Variants in CAMKMT observed in about 807,000 individuals in gnomAD.
CAMKMT encodes the protein calmodulin-lysine N-methyltransferase.
A neutral mutation model predicts 48.0 loss-of-function variants in CAMKMT; 53 were observed. That is an observed-to-expected ratio of 1.10 (90% CI 0.89 to 1.39). The LOEUF (loss-of-function observed/expected upper bound fraction) is 1.39, where lower values mean the gene tolerates loss of function less well. Among genes scored for constraint, CAMKMT ranks in the 40% most tolerant of loss-of-function variants. The pLI is 0.00. For missense variants in CAMKMT, 428 were observed against 402.7 expected (o/e 1.06, Z -0.54); for synonymous variants, 165 against 152.3 (o/e 1.08, Z -0.61).
intron 3 of CAMKMT, among the ~76,000 whole-genome samples, chr2:44,447,697 T>G (rs1200993127): frequency 6.6e-6 from 1 of 152,232 alleles, no homozygotes; most frequent in Non-Finnish European, 1.5e-5. Flanking sequence ...TTTTCACATC[T>G]TATTGGCCAG....
At chr2:44,529,563 T>C (rs1026480063) in intron 3 of CAMKMT, among the ~76,000 whole-genome samples, 1 of 152,204 alleles carries the variant, frequency 6.6e-6, no homozygotes, top group African/African-American at 2.4e-5. Flanking sequence ...TCTGGAGTCA[T>C]GTACTTTGGG....
rs1361444435 is a variant in CAMKMT at position 44,575,450 on chromosome 2, C to T, written c.377-128833C>T. Among the ~76,000 whole-genome samples the T allele has an allele frequency of 2.0e-5, 3 of 151,996 alleles. No individual in the cohort carries two copies. The East Asian group carries it at 5.8e-4, about 29-fold the overall frequency. On this transcript the variant is annotated intron_variant, in intron 3 of 10. Transcript: ENST00000378494. ...ATATTTTTCTTCACATAGGTCTTGC[C>T]CATTGTTGTTATTCTTATAAATATT... is the stretch of plus-strand genomic sequence containing the variant.
At chr2:44,604,011 C>T (rs1345360156) in intron 3 of CAMKMT, among the ~76,000 whole-genome samples, 1 of 152,180 alleles carries the variant, frequency 6.6e-6, no homozygotes, top group Non-Finnish European at 1.5e-5. Context: ...TTCTCCTCTT[C>T]TCACAGGACA....
At chr2:44,621,620 T>C (rs527899557) in intron 3 of CAMKMT, among the ~76,000 whole-genome samples, 1 of 151,756 alleles carries the variant, frequency 6.6e-6, no homozygotes, top group African/African-American at 2.4e-5. Context: ...AAACTAATTA[T>C]GGCTGAAGTG....
At chr2:44,771,597 C>T (rs886099772) in intron 10 of CAMKMT, among the ~76,000 whole-genome samples, 1 of 152,172 alleles carries the variant, frequency 6.6e-6, no homozygotes, top group African/African-American at 2.4e-5. Context: ...GCCCCACAAG[C>T]CTTTCCCTGT....
chr2:44,466,345 A>G (rs1357428614), intron 3 of CAMKMT, among the ~76,000 whole-genome samples: 1 of 152,206 alleles, frequency 6.6e-6, no homozygotes, highest in East Asian at 1.9e-4. Context: ...ACCACACTGA[A>G]ATAAAACTAG....
chr2:44,519,183 G>A (rs1257095298), intron 3 of CAMKMT, among the ~76,000 whole-genome samples: 1 of 152,198 alleles, frequency 6.6e-6, no homozygotes, highest in Non-Finnish European at 1.5e-5. Context: ...CTGCTATTGT[G>A]TATCTCAGAC....
chr2:44,438,184 G>C lies in CAMKMT; in HGVS notation c.376+47879G>C, dbSNP rs193168294. Among the ~76,000 whole-genome samples, 151 of 152,272 alleles carry C rather than the reference G, an allele frequency of 9.9e-4. 1 individual carries two copies. The highest frequency in any genetic ancestry group is 3.5e-3 in the African/African-American group (144 of 41,558). ...AATGGGGAGCTGGGAGTTGAACTCA[G>C]GCAGGCTAGCTCCAGTGTTCATGCT... On this transcript the variant is annotated intron_variant, in intron 3 of 10. Coordinates refer to ENST00000378494, the MANE Select transcript of CAMKMT (RefSeq NM_024766.5).
chr2:44,498,661 C>G (rs1206735149), intron 3 of CAMKMT, among the ~76,000 whole-genome samples: 1 of 152,158 alleles, frequency 6.6e-6, no homozygotes, highest in Non-Finnish European at 1.5e-5. Context: ...TGCGAGGGGA[C>G]TGTTTTCTTG....
chr2:44,600,975 C>T (rs974153699), intron 3 of CAMKMT, among the ~76,000 whole-genome samples: 2 of 152,010 alleles, frequency 1.3e-5, no homozygotes, highest in African/African-American at 4.8e-5. Context: ...GTCTTTTCTT[C>T]TTCTAATTAC....
At chr2:44,560,245 C>A (rs1668251071) in intron 3 of CAMKMT, among the ~76,000 whole-genome samples, 1 of 152,106 alleles carries the variant, frequency 6.6e-6, no homozygotes, top group African/African-American at 2.4e-5. Flanking sequence ...TAAATGTCTT[C>A]TTGGAACTAA....
At chr2:44,410,877 T>C (rs1304945618) in intron 3 of CAMKMT, among the ~76,000 whole-genome samples, 1 of 152,132 alleles carries the variant, frequency 6.6e-6, no homozygotes, top group Admixed American at 6.5e-5. Context: ...CATCTAAAAA[T>C]GAAGCAATTA....
chr2:44,673,545 C>A (rs889045814), intron 3 of CAMKMT, among the ~76,000 whole-genome samples: 1 of 146,526 alleles, frequency 6.8e-6, no homozygotes, highest in Admixed American at 6.7e-5. Context: ...AATCTATACA[C>A]CCAAAAACCT....
At chr2:44,426,690 A>G (rs943902666) in intron 3 of CAMKMT, among the ~76,000 whole-genome samples, 1 of 152,214 alleles carries the variant, frequency 6.6e-6, no homozygotes, top group Non-Finnish European at 1.5e-5. Flanking sequence ...AAACAAATGG[A>G]AAAACATTCC....
At chr2:44,543,648 A>G (rs1667249102) in intron 3 of CAMKMT, among the ~76,000 whole-genome samples, 1 of 152,098 alleles carries the variant, frequency 6.6e-6, no homozygotes, top group Admixed American at 6.5e-5. Context: ...AAGCCATATT[A>G]TTATTTTTTG....
chr2:44,747,117 C>T (rs1458621910), intron 8 of CAMKMT, among the ~76,000 whole-genome samples: 3 of 152,158 alleles, frequency 2.0e-5, no homozygotes, highest in Non-Finnish European at 4.4e-5. Flanking sequence ...GCCTGCAGCC[C>T]GAGACTTTGG....
At chr2:44,478,986 A>G (rs1366862869) in intron 3 of CAMKMT, among the ~76,000 whole-genome samples, 2 of 152,174 alleles carry the variant, frequency 1.3e-5, no homozygotes, top group Non-Finnish European at 1.5e-5. Flanking sequence ...GGCGTGAGCC[A>G]CCGCGCCCGG....
chr2:44,609,399 A>G (rs1671473600), intron 3 of CAMKMT, among the ~76,000 whole-genome samples: 1 of 152,242 alleles, frequency 6.6e-6, no homozygotes, highest in South Asian at 2.1e-4. Flanking sequence ...CCGTTTGTTA[A>G]TTAGCTAACT....
At chr2:44,692,849 A>G (rs1676740136) in intron 3 of CAMKMT, among the ~76,000 whole-genome samples, 1 of 152,232 alleles carries the variant, frequency 6.6e-6, no homozygotes, top group Admixed American at 6.5e-5. Flanking sequence ...TGTTAGTGGC[A>G]GAGCCAGAAT....
Sources: allele counts gnomAD v4.1 joint callset (sites outside exome capture counted in the v4.1 genomes callset), GRCh38; gene constraint gnomAD v4.1.1; transcripts MANE v1.5; gene names NCBI Gene and HGNC (gene_info 2026-07-23, HGNC 2026-07-21).